The following FBXW11 variants were observed in gnomAD, a reference collection of about 807,000 sequenced individuals.
FBXW11 encodes F-box/WD repeat-containing protein 11.
In FBXW11, 19 loss-of-function variants were observed where a neutral mutation model predicts 77.6. The ratio of observed to expected loss-of-function variants is 0.24; its 90% CI spans 0.17 to 0.36. The LOEUF is 0.36. Ranked by LOEUF, FBXW11 falls within the 10% of genes least tolerant of loss-of-function variation. The probability of loss-of-function intolerance (pLI) is 1.00; values close to 1 mark genes in which losing one functional copy is unlikely to be tolerated. For missense variants in FBXW11, 334 were observed against 704.2 expected (o/e 0.47, Z 5.95); for synonymous variants, 235 against 249.4 (o/e 0.94, Z 0.54).
chr5:172,006,232 G>A (rs1766758636), intron 1 of FBXW11, among the ~76,000 whole-genome samples: 1 of 152,216 alleles, frequency 6.6e-6, no homozygotes, highest in Non-Finnish European at 1.5e-5. Flanking sequence ...CCAGGGGGAG[G>A]GGGAGAAGCG....
intron 3 of FBXW11, among the ~76,000 whole-genome samples, chr5:171,912,567 C>T (rs1034791074): frequency 1.3e-5 from 2 of 152,130 alleles, no homozygotes; most frequent in African/African-American, 4.8e-5. Flanking sequence ...AATTCTAACT[C>T]ATCACCATTA....
At chr5:171,951,324 C>G (rs1763301469) in intron 2 of FBXW11, among the ~76,000 whole-genome samples, 1 of 151,968 alleles carries the variant, frequency 6.6e-6, no homozygotes, top group Non-Finnish European at 1.5e-5. Context: ...TCACTTGAGA[C>G]CAGAAGTTTG....
At chr5:171,929,684 T>C (rs887306867) in intron 2 of FBXW11, among the ~76,000 whole-genome samples, 1 of 151,782 alleles carries the variant, frequency 6.6e-6, no homozygotes, top group African/African-American at 2.4e-5. Context: ...ACCCCATCTC[T>C]ACTAAAAATA....
intron 7 of FBXW11, among the ~76,000 whole-genome samples, chr5:171,882,889 A>G (rs1758618074): frequency 6.6e-6 from 1 of 152,096 alleles, no homozygotes; most frequent in Non-Finnish European, 1.5e-5. Flanking sequence ...CTCATCACCC[A>G]AGCAGTATAT....
At chr5:171,879,456 C>A (rs943998716) in intron 7 of FBXW11, among the ~76,000 whole-genome samples, 3 of 152,200 alleles carry the variant, frequency 2.0e-5, no homozygotes, top group African/African-American at 7.2e-5. Flanking sequence ...GTTTTCAATT[C>A]TGTTGTGTAA....
chr5:171,977,883 A>T, intron 1 of FBXW11: 1 of 211,288 alleles, frequency 4.7e-6, no homozygotes, highest in South Asian at 5.6e-5. Context: ...AAGATGAAAT[A>T]TGGGTAGGGA....
At chr5:171,891,896 T>C (rs188775846) in intron 6 of FBXW11, among the ~76,000 whole-genome samples, 152 of 152,146 alleles carry the variant, frequency 1.0e-3, no homozygotes, top group African/African-American at 3.3e-3. Flanking sequence ...AGAACGCCGT[T>C]TGCACCCAAA....
At chr5:171,996,932 A>G (rs1277111773) in intron 1 of FBXW11, 1 of 1,289,780 alleles carries the variant, frequency 7.8e-7, no homozygotes, top group Non-Finnish European at 1.0e-6. Flanking sequence ...TCCAGAATGA[A>G]TGGGGGTTTT....
chr5:171,872,555 G>C (rs1757817301), intron 10 of FBXW11, among the ~76,000 whole-genome samples: 1 of 152,170 alleles, frequency 6.6e-6, no homozygotes, highest in South Asian at 2.1e-4. Flanking sequence ...GAGCTCACAG[G>C]TGAGGGAAAT....
chr5:171,876,805 G>A lies in FBXW11; in HGVS notation c.972-271C>T, dbSNP rs192846070. On this transcript the variant is annotated intron_variant, in intron 8 of 13. Transcript: ENST00000517395. This position sits in a 1 kb window ranked among gnomAD's most constrained non-coding sequence, Gnocchi z 4.2. ...CTGAGAGAACAGGTTGTTGAAAAGA[G>A]CCTCCTAGCACCTCCTCCCTCTCTC... Among the ~76,000 whole-genome samples the A allele has an allele frequency of 6.6e-6, 1 of 152,202 alleles. No individual in the cohort carries two copies. The highest frequency in any genetic ancestry group is 2.4e-5 in the African/African-American group (1 of 41,516).
At chr5:171,880,976 C>T (rs909422328) in intron 7 of FBXW11, among the ~76,000 whole-genome samples, 24 of 152,200 alleles carry the variant, frequency 1.6e-4, no homozygotes, top group African/African-American at 5.5e-4. Flanking sequence ...GGATTATAGG[C>T]GTGAGCCACC....
chr5:171,984,223 A>G (rs1765308975), intron 1 of FBXW11, among the ~76,000 whole-genome samples: 1 of 152,250 alleles, frequency 6.6e-6, no homozygotes. Context: ...AAGGTCTATA[A>G]TTTGATCTAG....
At chr5:171,942,355 G>A (rs1036494731) in intron 2 of FBXW11, among the ~76,000 whole-genome samples, 2 of 151,684 alleles carry the variant, frequency 1.3e-5, no homozygotes, top group African/African-American at 4.9e-5. Flanking sequence ...GTTTTTTTCA[G>A]TCTGGAAGAG....
intron 2 of FBXW11, among the ~76,000 whole-genome samples, chr5:171,923,696 A>G (rs2113996769): frequency 6.6e-6 from 1 of 150,770 alleles, no homozygotes; most frequent in South Asian, 2.1e-4. Flanking sequence ...TAGAGCACAT[A>G]TTATATCCTC....
At chr5:171,956,104 A>C (rs1242282623) in intron 2 of FBXW11, among the ~76,000 whole-genome samples, 1 of 152,218 alleles carries the variant, frequency 6.6e-6, no homozygotes, top group Non-Finnish European at 1.5e-5. Context: ...TTCTGGAAAA[A>C]ACTCGGTCAG....
intron 4 of FBXW11, among the ~76,000 whole-genome samples, chr5:171,900,692 T>G (rs1200492726): frequency 6.6e-6 from 1 of 152,148 alleles, no homozygotes; most frequent in East Asian, 1.9e-4. Context: ...TTAAAGTCGA[T>G]TGTGCTTAAA....
intron 2 of FBXW11, among the ~76,000 whole-genome samples, chr5:171,948,419 T>C (rs550026409): frequency 6.6e-6 from 1 of 150,720 alleles, no homozygotes; most frequent in South Asian, 2.1e-4. Flanking sequence ...GCTTGTCCAC[T>C]CTCTAAAATC....
chr5:171,915,613 C>CTGTCTGTG (rs1554100050), intron 2 of FBXW11, among the ~76,000 whole-genome samples: 3 of 129,524 alleles, frequency 2.3e-5, no homozygotes, highest in Non-Finnish European at 4.9e-5. Flanking sequence ...GTCACTCATT[C>CTGTCTGTG]TGTGTGTGTG....
At chr5:171,925,411 AAAAC>A (rs753135131) in intron 2 of FBXW11, among the ~76,000 whole-genome samples, 145 of 152,322 alleles carry the variant, frequency 9.5e-4, no homozygotes, top group South Asian at 4.6e-3. Flanking sequence ...TTTTCTGTAA[AAAAC>A]AAACAAACAA....
Sources: gnomAD v4.1 joint callset for allele counts (sites outside exome capture counted in the v4.1 genomes callset) on GRCh38, gnomAD v4.1.1 for gene constraint, Gnocchi (gnomAD v3.1) non-coding constraint, MANE v1.5 for transcripts, NCBI Gene and HGNC (gene_info 2026-07-23, HGNC 2026-07-21) for gene names.